Variants in PLXNA2 observed in about 807,000 individuals in gnomAD.
PLXNA2 encodes plexin A2, also known as plexin-A2.
Under a neutral mutation model 193.5 loss-of-function variants are expected in PLXNA2, and 91 were observed. The observed-to-expected ratio is 0.47, with a 90% confidence interval of 0.40 to 0.56. The LOEUF (loss-of-function observed/expected upper bound fraction) is 0.56. Among genes scored for constraint, PLXNA2 ranks in the 20% least tolerant of loss-of-function variants. The pLI is 0.00. For missense variants in PLXNA2, 1,995 were observed against 2,503.2 expected (o/e 0.80, Z 4.33); for synonymous variants, 997 against 1,027.3 (o/e 0.97, Z 0.56).
At chr1:208,164,993 G>A (rs1345862756) in intron 3 of PLXNA2, among the ~76,000 whole-genome samples, 1 of 152,216 alleles carries the variant, frequency 6.6e-6, no homozygotes, top group African/African-American at 2.4e-5. Flanking sequence ...AGTCAGGGAC[G>A]GAACCAAAGC....
intron 12 of PLXNA2, among the ~76,000 whole-genome samples, chr1:208,061,456 T>C (rs1665618147): frequency 6.6e-6 from 1 of 152,046 alleles, no homozygotes; most frequent in Non-Finnish European, 1.5e-5. Flanking sequence ...TATACACGGA[T>C]AAGAGATACA....
At chr1:208,120,701 A>G (rs1031881044) in intron 4 of PLXNA2, among the ~76,000 whole-genome samples, 5 of 152,264 alleles carry the variant, frequency 3.3e-5, no homozygotes, top group South Asian at 4.1e-4. Context: ...TGAAGTCCCT[A>G]GGGAAGTAGG....
intron 3 of PLXNA2, among the ~76,000 whole-genome samples, chr1:208,193,288 C>T (rs1403840548): frequency 6.6e-6 from 1 of 152,234 alleles, no homozygotes; most frequent in Non-Finnish European, 1.5e-5. Context: ...GTTAACATTA[C>T]TCCCTCATAG....
chr1:208,051,045 C>A lies in PLXNA2; in HGVS notation c.3219G>T (p.Arg1073Ser). ...CTTTGCCATTGAATTTGACTCGGATCCTTGGCTCCTGAATGACATCCAGGT... is the reference window on the plus strand; with the variant it reads ...CTTTGCCATTGAATTTGACTCGGATACTTGGCTCCTGAATGACATCCAGGT... ...GFNLDVIQEP[R>S]IRVKFNGKES... The change falls in exon 17 of 32, where the codon AGG becomes AGT. Residue 1073 changes from arginine to serine, a missense_variant. Arg to Ser is a moderately radical substitution (Grantham distance 110, BLOSUM62 -1). This residue lies in a region of PLXNA2 where 1,291 missense variants were observed against 1,673.6 expected (regional missense o/e 0.77). Coordinates refer to ENST00000367033, the MANE Select transcript of PLXNA2 (RefSeq NM_025179.4). 6.2e-7 allele frequency: 1 copy of A among 1,614,090 alleles called. No individual in the cohort carries two copies. The highest frequency in any genetic ancestry group is 8.5e-7 in the Non-Finnish European group (1 of 1,179,974).
At chr1:208,133,202 T>C (rs1345019561) in intron 4 of PLXNA2, among the ~76,000 whole-genome samples, 1 of 152,188 alleles carries the variant, frequency 6.6e-6, no homozygotes, top group African/African-American at 2.4e-5. Context: ...GACAGGTCCC[T>C]TCCTGGTGGT....
chr1:208,206,766 G>GTTTTTT (rs896776741), intron 3 of PLXNA2, among the ~76,000 whole-genome samples: 3 of 116,748 alleles, frequency 2.6e-5, no homozygotes, highest in Non-Finnish European at 5.2e-5. Context: ...GCACATATAG[G>GTTTTTT]TTTTTTTTTT....
At position 208,033,524 on chromosome 1, in the gene PLXNA2, T is replaced by A; in HGVS notation, c.4865-15A>T. On this transcript the variant is annotated splice_polypyrimidine_tract_variant and intron_variant, in intron 27 of 31. Transcript: ENST00000367033. Reference sequence around the variant, plus strand: ...GAAGGAGGAGTCTGAGGAGAAGGGGTTGGTGGAGGGCTGTGAGTAACAGTC... The same window carrying A: ...GAAGGAGGAGTCTGAGGAGAAGGGGATGGTGGAGGGCTGTGAGTAACAGTC... The A allele has an allele frequency of 6.3e-7, 1 of 1,587,816 alleles. No homozygotes were observed. The highest frequency in any genetic ancestry group is 8.6e-7 in the Non-Finnish European group (1 of 1,162,480).
intron 4 of PLXNA2, among the ~76,000 whole-genome samples, chr1:208,124,561 C>T (rs996521143): frequency 6.6e-6 from 1 of 151,720 alleles, no homozygotes; most frequent in Admixed American, 6.6e-5. Context: ...CGCCTGTAAT[C>T]CCAGCTACTT....
chr1:208,149,840 C>T lies in PLXNA2; in HGVS notation c.1372-7377G>A, dbSNP rs186050000. Among the ~76,000 whole-genome samples the T allele has an allele frequency of 2.0e-5, 3 of 152,308 alleles. No homozygotes were observed. In the East Asian group the frequency reaches 5.8e-4, roughly 29 times the overall value. ...TCCTGTACATACATTCACACACTCA[C>T]ATACACATACACACACACTCTCTCA... On this transcript the variant is annotated intron_variant, in intron 3 of 31. Coordinates refer to ENST00000367033, the MANE Select transcript of PLXNA2 (RefSeq NM_025179.4).
At position 208,217,035 on chromosome 1, in the gene PLXNA2, C is replaced by A. The variant is rs1671154686; in HGVS notation, c.888G>T (p.Leu296=). The A allele has an allele frequency of 1.2e-6, 2 of 1,612,294 alleles. No homozygotes were observed. Among genetic ancestry groups the A allele is most frequent in the Admixed American group, 1.7e-5 (1 of 59,958 alleles). ...DDPKFHSYVS[L]PFGCTRAGVE... is the part of the protein sequence containing the mutation. ...CCCCGGCCCGGGTGCAGCCGAAGGGCAGGGACACGTATGAGTGGAACTTGG... is the reference window on the plus strand; with the variant it reads ...CCCCGGCCCGGGTGCAGCCGAAGGGAAGGGACACGTATGAGTGGAACTTGG... Residue 296 remains leucine (L), a synonymous_variant, in exon 2 of 32, where the codon CTG becomes CTT. Coordinates refer to ENST00000367033, the MANE Select transcript of PLXNA2 (RefSeq NM_025179.4). The surrounding 1 kb of genome is among the most constrained non-coding windows in gnomAD (Gnocchi z 4.7).
At chr1:208,139,196 G>A (rs1046744944) in intron 4 of PLXNA2, among the ~76,000 whole-genome samples, 2 of 152,172 alleles carry the variant, frequency 1.3e-5, no homozygotes, top group African/African-American at 4.8e-5. Context: ...ATTTCTATAA[G>A]ATCTGAAAGA....
intron 13 of PLXNA2, among the ~76,000 whole-genome samples, chr1:208,055,238 C>A (rs1330918524): frequency 6.6e-6 from 1 of 152,164 alleles, no homozygotes; most frequent in African/African-American, 2.4e-5. Context: ...AAAGTCACGT[C>A]TCACACTAAC....
intron 3 of PLXNA2, among the ~76,000 whole-genome samples, chr1:208,165,090 T>G (rs921153444): frequency 1.3e-5 from 2 of 152,174 alleles, no homozygotes; most frequent in Admixed American, 1.3e-4. Flanking sequence ...GGATTAATGT[T>G]GCCTCTTTTC....
Position 208,186,125 on chromosome 1 carries a change from A to G in PLXNA2, c.1371+24155T>C, listed in dbSNP as rs530988109. Among the ~76,000 whole-genome samples the G allele has an allele frequency of 4.6e-5, 7 of 152,290 alleles. 1 individual carries two copies. The South Asian group carries it at 1.5e-3, about 32-fold the overall frequency. On this transcript the variant is annotated intron_variant, in intron 3 of 31. Coordinates refer to ENST00000367033, the MANE Select transcript of PLXNA2 (RefSeq NM_025179.4). Reference sequence around the variant, plus strand: ...ATCACCCTGCATCATCATTTGTTGGAAGGAGGCCCAGGAGGGTAGGAGGAA... The same window carrying G: ...ATCACCCTGCATCATCATTTGTTGGGAGGAGGCCCAGGAGGGTAGGAGGAA...
chr1:208,149,624 A>G (rs1355688332), intron 3 of PLXNA2, among the ~76,000 whole-genome samples: 2 of 151,654 alleles, frequency 1.3e-5, no homozygotes, highest in Non-Finnish European at 2.9e-5. Context: ...AGGAGGTGAA[A>G]GGTGGAGAGG....
Position 208,028,192 on chromosome 1 carries a change from G to A in PLXNA2, c.5439-33C>T. 1.3e-6 allele frequency: 2 copies of A among 1,571,806 alleles called. No homozygotes were observed. The highest frequency in any genetic ancestry group is 1.7e-6 in the Non-Finnish European group (2 of 1,156,834). On this transcript the variant is annotated intron_variant, in intron 30 of 31. Transcript: ENST00000367033. The surrounding 1 kb of genome is among the most constrained non-coding windows in gnomAD (Gnocchi z 4.2). ...AGACAGGATAGGCGCCTTGGTGGAG[G>A]CCTCAGCAAACATTTACCTATAGCT...
Position 208,209,983 on chromosome 1 carries a change from A to AATTTTTTTTTTTTTTTTTTT in PLXNA2, c.1371+296_1371+297insAAAAAAAAAAAAAAAAAAAT, listed in dbSNP as rs34413554. On this transcript the variant is annotated intron_variant, in intron 3 of 31. Coordinates refer to ENST00000367033, the MANE Select transcript of PLXNA2 (RefSeq NM_025179.4). ...TTGCTTGATTTGGGAATGAAGAGCAATTTTTTTTTTTTTTTTTTTTTGCTT... is the reference window on the plus strand; with the variant it reads ...TTGCTTGATTTGGGAATGAAGAGCAAATTTTTTTTTTTTTTTTTTTTTTTTTTTTTTTTTTTTTTTTGCTT... 6.4e-3 allele frequency: 563 copies of AATTTTTTTTTTTTTTTTTTT among 87,900 alleles called. 186 individuals are homozygous for AATTTTTTTTTTTTTTTTTTT. The highest frequency in any genetic ancestry group is 9.4e-3 in the Admixed American group (58 of 6,180). The allele number at this position is 87,900 out of a possible 1,614,324, so 5.4% of individuals were successfully genotyped here.
intron 3 of PLXNA2, among the ~76,000 whole-genome samples, chr1:208,167,738 A>G (rs923183807): frequency 2.0e-5 from 3 of 152,230 alleles, no homozygotes; most frequent in African/African-American, 7.2e-5. Context: ...CACGTGGTGC[A>G]TAATGACTAT....
chr1:208,085,316 C>A (rs1023787932), intron 9 of PLXNA2, among the ~76,000 whole-genome samples: 8 of 152,220 alleles, frequency 5.3e-5, no homozygotes, highest in African/African-American at 1.9e-4. Context: ...TTCTCCTTCT[C>A]TCCTCGGGCA....
Sources: gnomAD v4.1 joint callset for allele counts (sites outside exome capture counted in the v4.1 genomes callset) on GRCh38, gnomAD v4.1.1 for gene constraint, gnomAD v4.1.1 regional missense constraint, Gnocchi (gnomAD v3.1) non-coding constraint, MANE v1.5 for transcripts, NCBI Gene and HGNC (gene_info 2026-07-23, HGNC 2026-07-21) for gene names.